The following NT5C2 variants were observed in gnomAD, a reference collection of about 807,000 sequenced individuals.
NT5C2 encodes the protein 5'-nucleotidase, cytosolic II.
Under a neutral mutation model 76.1 loss-of-function variants are expected in NT5C2, and 58 were observed. That is an observed-to-expected ratio of 0.76 (90% CI 0.62 to 0.95). NT5C2 has a LOEUF of 0.95. Ranked by LOEUF, NT5C2 falls within the 40% of genes least tolerant of loss-of-function variation. The pLI is 0.00. For synonymous variants in NT5C2, 229 were observed against 237.4 expected, an observed-to-expected ratio of 0.96 and a Z score of 0.32; for missense variants, 478 against 690.3, an observed-to-expected ratio of 0.69 and a Z score of 3.45.
At chr10:103,107,312 A>T (rs1430794784) in intron 4 of NT5C2, among the ~76,000 whole-genome samples, 2 of 152,206 alleles carry the variant, frequency 1.3e-5, no homozygotes, top group Non-Finnish European at 2.9e-5. Flanking sequence ...GCAGGTTATT[A>T]TTGTAAACCA....
intron 4 of NT5C2, among the ~76,000 whole-genome samples, chr10:103,129,622 TGG>T (rs1176026635): frequency 2.1e-4 from 6 of 28,010 alleles, no homozygotes; most frequent in East Asian, 8.3e-4. Flanking sequence ...GGGAGGGAGG[TGG>T]GGGGGGGTCA....
At chr10:103,173,689 G>A (rs1394442776) in intron 3 of NT5C2, among the ~76,000 whole-genome samples, 1 of 151,598 alleles carries the variant, frequency 6.6e-6, no homozygotes, top group Non-Finnish European at 1.5e-5. Flanking sequence ...CACTTTGGGA[G>A]GCCGAGGCAG....
intron 3 of NT5C2, among the ~76,000 whole-genome samples, chr10:103,159,832 C>T (rs898552547): frequency 5.4e-4 from 82 of 152,094 alleles, no homozygotes; most frequent in South Asian, 3.3e-3. Flanking sequence ...AGCAATACTT[C>T]TCAAAGTTAT....
intron 6 of NT5C2, among the ~76,000 whole-genome samples, chr10:103,102,913 T>C (rs1336932993): frequency 1.3e-5 from 2 of 150,234 alleles, no homozygotes; most frequent in African/African-American, 4.9e-5. Flanking sequence ...GATGGAATCA[T>C]GAAAAGTATT....
chr10:103,093,081 C>A, intron 15 of NT5C2, 58 bp downstream of exon 15: 1 of 1,393,354 alleles, frequency 7.2e-7, no homozygotes, highest in Non-Finnish European at 9.5e-7. Flanking sequence ...TCAAAGACGA[C>A]TGATTCAAAG....
intron 1 of NT5C2, among the ~76,000 whole-genome samples, chr10:103,192,219 G>A (rs1258976660): frequency 1.3e-5 from 2 of 152,144 alleles, no homozygotes; most frequent in Non-Finnish European, 2.9e-5. Flanking sequence ...ATAGTCTACA[G>A]ACACTGGGAA....
chr10:103,149,864 A>G (rs184151542), intron 3 of NT5C2, among the ~76,000 whole-genome samples: 136 of 150,934 alleles, frequency 9.0e-4, no homozygotes, highest in South Asian at 2.3e-3. Flanking sequence ...AGTAATTAAA[A>G]AAAAAAAAAA....
At chr10:103,100,513 A>C (rs1051256586) in intron 8 of NT5C2, 2 of 367,716 alleles carry the variant, frequency 5.4e-6, no homozygotes, top group African/African-American at 4.3e-5. Context: ...TGGTATATAG[A>C]TGGCTAAACT....
chr10:103,131,151 T>G (rs1040927271), intron 4 of NT5C2, among the ~76,000 whole-genome samples: 1 of 152,238 alleles, frequency 6.6e-6, no homozygotes, highest in African/African-American at 2.4e-5. Flanking sequence ...ATGTTTGACA[T>G]GTGATGTCCT....
chr10:103,132,004 G>A (rs976944231), intron 4 of NT5C2, among the ~76,000 whole-genome samples: 2 of 152,134 alleles, frequency 1.3e-5, no homozygotes, highest in African/African-American at 4.8e-5. Flanking sequence ...ACTTTGGGAG[G>A]CTGAGGCGGG....
intron 1 of NT5C2, among the ~76,000 whole-genome samples, chr10:103,188,543 A>G (rs904866537): frequency 3.3e-5 from 5 of 152,176 alleles, no homozygotes; most frequent in African/African-American, 1.2e-4. Context: ...TTTGGGATTC[A>G]CTTTCCCCAT....
At chr10:103,097,698 T>C (rs1323104108) in intron 10 of NT5C2, among the ~76,000 whole-genome samples, 2 of 152,240 alleles carry the variant, frequency 1.3e-5, no homozygotes, top group African/African-American at 2.4e-5. Flanking sequence ...TTGAGATTTC[T>C]TGAAGTATGT....
At chr10:103,108,207 C>G (rs2135340779) in intron 4 of NT5C2, among the ~76,000 whole-genome samples, 1 of 152,166 alleles carries the variant, frequency 6.6e-6, no homozygotes, top group South Asian at 2.1e-4. Context: ...TAGGTTTCTT[C>G]CAAATGAAAT....
At chr10:103,191,208 T>C (rs567809435) in intron 1 of NT5C2, among the ~76,000 whole-genome samples, 2 of 151,770 alleles carry the variant, frequency 1.3e-5, no homozygotes, top group Non-Finnish European at 2.9e-5. Flanking sequence ...CCTGACCAAC[T>C]TGGAGAAACC....
At chr10:103,108,830 T>C (rs2072123092) in intron 4 of NT5C2, among the ~76,000 whole-genome samples, 1 of 152,146 alleles carries the variant, frequency 6.6e-6, no homozygotes, top group African/African-American at 2.4e-5. Flanking sequence ...ATGCCAATGC[T>C]AACCCTGGCT....
At chr10:103,153,658 C>T (rs1241524583) in intron 3 of NT5C2, 2 of 985,198 alleles carry the variant, frequency 2.0e-6, no homozygotes, top group African/African-American at 1.7e-5. Context: ...GCAAATTTAC[C>T]CCCTAATGAG....
At chr10:103,126,462 A>G (rs1007073927) in intron 4 of NT5C2, among the ~76,000 whole-genome samples, 2 of 152,150 alleles carry the variant, frequency 1.3e-5, no homozygotes, top group Non-Finnish European at 2.9e-5. Flanking sequence ...TCTCTACAAA[A>G]AATACAAAAA....
chr10:103,096,304 A>G lies in NT5C2; in HGVS notation c.772-324T>C, dbSNP rs190302264. 1.8e-4 allele frequency among the ~76,000 whole-genome samples: 27 copies of G among 152,318 alleles called. No homozygotes were observed. In the East Asian group the frequency reaches 4.4e-3, roughly 25 times the overall value. On this transcript the variant is annotated intron_variant, in intron 11 of 18. Transcript: ENST00000404739. ...CTAATGACTCACACAGAAATAACCT[A>G]TCACCTTGGCTTCGCTACTGCCATC...
chr10:103,189,372 C>T (rs1243984295), intron 1 of NT5C2, among the ~76,000 whole-genome samples: 3 of 151,908 alleles, frequency 2.0e-5, no homozygotes, highest in Non-Finnish European at 2.9e-5. Context: ...CTTTGGGAGG[C>T]CAAGGCGGAC....
Sources: allele counts gnomAD v4.1 joint callset (sites outside exome capture counted in the v4.1 genomes callset), GRCh38; gene constraint gnomAD v4.1.1; transcripts MANE v1.5; gene names NCBI Gene and HGNC (gene_info 2026-07-23, HGNC 2026-07-21).